The following DAO variants were observed in gnomAD, a reference collection of about 807,000 sequenced individuals.
DAO encodes D-amino acid oxidase, also known as D-amino-acid oxidase.
Under a neutral mutation model 50.1 loss-of-function variants are expected in DAO, and 51 were observed. The observed-to-expected ratio is 1.02, with a 90% CI of 0.81 to 1.29. DAO has a LOEUF of 1.29. Ranked by LOEUF, DAO falls within the 50% of genes most tolerant of loss-of-function variation. The pLI, the probability that DAO is intolerant of heterozygous loss-of-function variation, is 0.00. For synonymous variants in DAO, 160 were observed against 166.2 expected (o/e 0.96, Z 0.29); for missense variants, 436 against 439.4 (o/e 0.99, Z 0.07).
intron 10 of DAO, 43 bp from the exon 11 acceptor site, chr12:108,900,361 T>C: frequency 6.2e-7 from 1 of 1,610,838 alleles, no homozygotes; most frequent in Non-Finnish European, 8.5e-7. Context: ...TTCTTTCCAC[T>C]GTCCCTCTCG....
chr12:108,890,487 G>A (rs1388223043), intron 5 of DAO, among the ~76,000 whole-genome samples: 1 of 152,222 alleles, frequency 6.6e-6, no homozygotes, highest in African/African-American at 2.4e-5. Context: ...CTGGGCAGCT[G>A]TTTACACATG....
chr12:108,896,354 C>T (rs2039555205), intron 7 of DAO, among the ~76,000 whole-genome samples: 1 of 107,700 alleles, frequency 9.3e-6, no homozygotes, highest in Admixed American at 1.2e-4. Context: ...ACCCGGGAGG[C>T]AGAGGCTGCA....
intron 7 of DAO, among the ~76,000 whole-genome samples, chr12:108,896,419 CAAAAA>C (rs386377704): frequency 6.7e-5 from 4 of 59,540 alleles, no homozygotes; most frequent in South Asian, 7.1e-4. Context: ...GAGGCTGTCT[CAAAAA>C]AAAAAAAAAA....
intron 3 of DAO, 120 bp from the exon 4 acceptor site, chr12:108,889,349 A>G: frequency 1.5e-6 from 1 of 669,646 alleles, no homozygotes; most frequent in Admixed American, 1.9e-5. Flanking sequence ...ACCTCAGGTG[A>G]TCCACCCATC....
rs1176460526 is a variant in DAO at position 108,894,244 on chromosome 12, C to T, written c.508-19C>T. 1 of 1,598,946 alleles carries T rather than the reference C, an allele frequency of 6.3e-7. No homozygotes were observed. Among genetic ancestry groups the T allele is most frequent in the Non-Finnish European group, 8.6e-7 (1 of 1,167,006 alleles). Reference sequence around the variant, plus strand: ...CTTCCCCACCTTTCATCCCCCACTACCCTGTTGGTTGCTACCAGGTGGCAA... The same window carrying T: ...CTTCCCCACCTTTCATCCCCCACTATCCTGTTGGTTGCTACCAGGTGGCAA... On this transcript the variant is annotated intron_variant, in intron 6 of 10. Coordinates refer to ENST00000228476, the MANE Select transcript of DAO (RefSeq NM_001917.5).
intron 3 of DAO, among the ~76,000 whole-genome samples, chr12:108,888,493 G>A (rs1434700302): frequency 1.3e-5 from 2 of 151,846 alleles, no homozygotes; most frequent in South Asian, 2.1e-4. Flanking sequence ...GCACTACCAC[G>A]CCTGGCTAAT....
chr12:108,895,390 CACATATGTGAGGGTGTGTGT>C (rs1300485889), intron 7 of DAO, among the ~76,000 whole-genome samples: 1 of 101,816 alleles, frequency 9.8e-6, no homozygotes, highest in East Asian at 3.1e-4. Context: ...ATGGTGTGTG[CACATATGTGAGGGTGTGTGT>C]GCATGTGTGT....
intron 1 of DAO, among the ~76,000 whole-genome samples, chr12:108,881,372 AC>A (rs1192199392): frequency 6.6e-6 from 1 of 151,822 alleles, no homozygotes; most frequent in Non-Finnish European, 1.5e-5. Flanking sequence ...AAAGCTCATT[AC>A]CTACACGCAT....
chr12:108,898,203 C>A (rs2039582004), intron 8 of DAO, among the ~76,000 whole-genome samples: 1 of 151,896 alleles, frequency 6.6e-6, no homozygotes, highest in South Asian at 2.1e-4. Context: ...TGGAGGTGGT[C>A]TGGTGCTGAT....
In DAO at chr12:108,900,734, T is replaced by G; in HGVS notation, c.*199T>G. On this transcript the variant is annotated 3_prime_UTR_variant, in exon 11 of 11. Transcript: ENST00000228476. ...GCCCCTCTCATCACTGAAATCCCTC[T>G]ACCTTCTCTGGGTCTGGCATTATAA... The G allele has an allele frequency of 1.8e-6, 1 of 552,080 alleles. No homozygotes were observed. The highest frequency in any genetic ancestry group is 3.2e-6 in the Non-Finnish European group (1 of 312,974). 34.2% of individuals were successfully genotyped at this position (552,080 alleles called of 1,614,324 possible).
At position 108,894,348 on chromosome 12, in the gene DAO, G is replaced by A; in HGVS notation, c.593G>A (p.Gly198Asp). ...ALQRDPLLQP[G>D]RGQIMKVDAP... ...CAACGAGACCCCCTGCTGCAGCCAGGCCGGGGGCAGATCATGAAGGTGAGT... is the reference window on the plus strand; with the variant it reads ...CAACGAGACCCCCTGCTGCAGCCAGACCGGGGGCAGATCATGAAGGTGAGT... Residue 198 changes from glycine (G) to aspartate (D), a missense_variant, in exon 7 of 11, where the codon GGC becomes GAC. Coordinates refer to ENST00000228476, the MANE Select transcript of DAO (RefSeq NM_001917.5). 2 of 1,613,842 alleles carry A rather than the reference G, an allele frequency of 1.2e-6. 1 individual carries two copies. Among genetic ancestry groups the A allele is most frequent in the South Asian group, 2.2e-5 (2 of 91,042 alleles).
chr12:108,899,032 TGAC>T (rs2039593933), intron 9 of DAO, among the ~76,000 whole-genome samples: 1 of 152,224 alleles, frequency 6.6e-6, no homozygotes, highest in Admixed American at 6.5e-5. Context: ...CGAGTGATGA[TGAC>T]AGTAGTGATG....
chr12:108,884,247 G>A (rs188837300), intron 1 of DAO, among the ~76,000 whole-genome samples: 8 of 152,354 alleles, frequency 5.3e-5, no homozygotes, highest in Admixed American at 3.9e-4. Flanking sequence ...TGCATTAAGC[G>A]TGTGTTGAGT....
chr12:108,896,992 C>G lies in DAO; in HGVS notation c.613-14C>G. The G allele has an allele frequency of 6.2e-7, 1 of 1,608,458 alleles. No individual in the cohort carries two copies. The highest frequency in any genetic ancestry group is 8.5e-7 in the Non-Finnish European group (1 of 1,174,876). On this transcript the variant is annotated splice_polypyrimidine_tract_variant and intron_variant, in intron 7 of 10. Transcript: ENST00000228476. Reference sequence around the variant, plus strand: ...CACCTCCGCTGATGAGACTTTCCTGCCCTGAATCAACAGGTGGACGCCCCT... The same window carrying G: ...CACCTCCGCTGATGAGACTTTCCTGGCCTGAATCAACAGGTGGACGCCCCT...
At chr12:108,894,233 A>AT (rs1028045834) in intron 6 of DAO, 30 bp from the exon 7 acceptor site, 2 of 1,559,998 alleles carry the variant, frequency 1.3e-6, no homozygotes, top group Non-Finnish European at 1.8e-6. Flanking sequence ...CCCACCTTTC[A>AT]TCCCCCACTA....
At position 108,890,207 on chromosome 12, in the gene DAO, G is replaced by C. The variant is rs746914446; in HGVS notation, c.387-1G>C. The C allele has an allele frequency of 6.2e-7, 1 of 1,612,060 alleles. No individual in the cohort carries two copies. The highest frequency in any genetic ancestry group is 1.1e-5 in the South Asian group (1 of 91,026). ...CCACCTTTTGCTTACTGTGACTCTA[G>C]CTATGGCTGGTTCCACACAAGCCTA... is the stretch of plus-strand genomic sequence containing the variant. On this transcript the variant is annotated splice_acceptor_variant, in intron 4 of 10. Transcript: ENST00000228476. LOFTEE classifies it high-confidence loss of function.
intron 3 of DAO, 31 bp from the exon 4 acceptor site, chr12:108,889,438 A>G (rs2039466123): frequency 1.3e-6 from 2 of 1,532,078 alleles, no homozygotes; most frequent in East Asian, 4.5e-5. Context: ...CTTCCATCCC[A>G]CCCAGTGCCC....
chr12:108,887,821 G>T (rs1383980324), intron 3 of DAO, among the ~76,000 whole-genome samples: 2 of 152,158 alleles, frequency 1.3e-5, no homozygotes, highest in Non-Finnish European at 2.9e-5. Flanking sequence ...TGATTAGCAT[G>T]GCTAAAATAC....
At position 108,897,073 on chromosome 12, in the gene DAO, C is replaced by T. The variant is rs1045813791; in HGVS notation, c.680C>T (p.Pro227Leu). The T allele has an allele frequency of 1.3e-5, 21 of 1,613,434 alleles. No homozygotes were observed. The highest frequency in any genetic ancestry group is 2.2e-5 in the East Asian group (1 of 44,878). Residue 227 changes from proline to leucine, a missense_variant, in exon 8 of 11, where the codon CCG (proline) becomes CTG (leucine). Pro to Leu is a moderately conservative substitution (Grantham distance 98). Transcript: ENST00000228476. ...HDPERGIYNS[P>L]YIIPGTQTVT... ...CCAGAGAGAGGCATCTACAATTCCCCGTACATCATCCCAGGGTAAAATTGG... is the reference window on the plus strand; with the variant it reads ...CCAGAGAGAGGCATCTACAATTCCCTGTACATCATCCCAGGGTAAAATTGG...
Sources: allele counts gnomAD v4.1 joint callset (sites outside exome capture counted in the v4.1 genomes callset), GRCh38; gene constraint gnomAD v4.1.1; transcripts MANE v1.5; gene names NCBI Gene and HGNC (gene_info 2026-07-23, HGNC 2026-07-21).